The following CD200R1L variants were observed in gnomAD, a reference collection of about 807,000 sequenced individuals.
CD200R1L encodes the protein cell surface glycoprotein CD200 receptor 2.
In CD200R1L, 14 loss-of-function variants were observed where a neutral mutation model predicts 24.8. The ratio of observed to expected loss-of-function variants is 0.56; its 90% confidence interval spans 0.37 to 0.88. The LOEUF is 0.88. Among genes scored for constraint, CD200R1L ranks in the 40% least tolerant of loss-of-function variants. The pLI is 0.00. For missense variants in CD200R1L, 299 were observed against 297.8 expected (o/e 1.00, Z -0.03); for synonymous variants, 111 against 109.2 (o/e 1.02, Z -0.11).
Position 112,845,715 on chromosome 3 carries a change from G to A in CD200R1L, c.-123C>T, listed in dbSNP as rs752120624. On this transcript the variant is annotated 5_prime_UTR_variant, in exon 2 of 8. Coordinates refer to ENST00000488794, the MANE Select transcript of CD200R1L (RefSeq NM_001199215.3). ...ATAATGATGGAAATCAGTAATCTTG[G>A]AGCTGACATCTTCCCTAAAGTATGC... is the stretch of plus-strand genomic sequence containing the variant. 4.8e-5 allele frequency: 77 copies of A among 1,613,120 alleles called. No individual in the cohort carries two copies. The highest frequency in any genetic ancestry group is 6.1e-5 in the Non-Finnish European group (72 of 1,179,508).
intron 6 of CD200R1L, among the ~76,000 whole-genome samples, chr3:112,822,529 A>T (rs1461049763): frequency 6.6e-6 from 1 of 152,142 alleles, no homozygotes; most frequent in African/African-American, 2.4e-5. Context: ...CTGGGTTGGG[A>T]GATTTTCTGA....
chr3:112,844,853 G>A (rs1421761834), intron 2 of CD200R1L, among the ~76,000 whole-genome samples: 1 of 152,132 alleles, frequency 6.6e-6, no homozygotes, highest in Non-Finnish European at 1.5e-5. Context: ...GAACCCAGGA[G>A]GCAGAGGTTG....
chr3:112,829,224 C>T (rs2107340621), intron 4 of CD200R1L, 95 bp downstream of exon 4: 1 of 922,592 alleles, frequency 1.1e-6, no homozygotes, highest in Non-Finnish European at 1.8e-6. Context: ...CAAGTAGTCA[C>T]AAGGCTGGCC....
At chr3:112,823,783 T>A (rs999533642) in intron 6 of CD200R1L, among the ~76,000 whole-genome samples, 1 of 151,474 alleles carries the variant, frequency 6.6e-6, no homozygotes, top group Non-Finnish European at 1.5e-5. Flanking sequence ...AAGAAGAGAG[T>A]GCAGGGAAAG....
chr3:112,827,574 G>A lies in CD200R1L; in HGVS notation c.160C>T (p.Pro54Ser). ...ITWEIILRGQ[P>S]SCTKAYKKET... ...TTCTTGTAGGCTTTTGTGCAGGAAG[G>A]CTGGCCTCTCAGGATTATTTCCCAT... Residue 54 changes from proline to serine, a missense_variant, in exon 5 of 8, where the codon CCT becomes TCT. By Grantham distance (74) the Pro-to-Ser change is moderately conservative. Coordinates refer to ENST00000488794, the MANE Select transcript of CD200R1L (RefSeq NM_001199215.3). The A allele has an allele frequency of 3.1e-6, 5 of 1,614,052 alleles. No individual in the cohort carries two copies. Among genetic ancestry groups the A allele is most frequent in the Non-Finnish European group, 4.2e-6 (5 of 1,179,956 alleles).
At chr3:112,839,813 T>C (rs1028945859) in intron 2 of CD200R1L, among the ~76,000 whole-genome samples, 3 of 152,220 alleles carry the variant, frequency 2.0e-5, no homozygotes, top group African/African-American at 7.2e-5. Flanking sequence ...TTGAAGTGGT[T>C]AATCCCCTGC....
chr3:112,827,603 A>G lies in CD200R1L; in HGVS notation c.131T>C (p.Ile44Thr). The G allele has an allele frequency of 1.2e-6, 2 of 1,613,970 alleles. No individual in the cohort carries two copies. Among genetic ancestry groups the G allele is most frequent in the Non-Finnish European group, 1.7e-6 (2 of 1,179,896 alleles). Residue 44 changes from isoleucine (I) to threonine (T), a missense_variant, in exon 5 of 8, where the codon ATA (isoleucine) becomes ACA (threonine). Transcript: ENST00000488794. ...PPIALRNLII[I>T]TWEIILRGQP... ...GCCTCTCAGGATTATTTCCCATGTT[A>G]TTATGATCAAATTTCTTAATGCGAT...
rs539257152 is a variant in CD200R1L, at chr3:112,817,409, T to C, written c.741-1434A>G. Among the ~76,000 whole-genome samples the C allele has an allele frequency of 7.2e-5, 11 of 152,284 alleles. 1 individual carries two copies. In the South Asian group the frequency reaches 2.1e-3, roughly 29 times the overall value. On this transcript the variant is annotated intron_variant, in intron 7 of 7. Coordinates refer to ENST00000488794, the MANE Select transcript of CD200R1L (RefSeq NM_001199215.3). ...TTTCCAACCTCTGTGGATGTTAATA[T>C]AGCTATGCTACTAAGAACTAACCAA...
intron 2 of CD200R1L, among the ~76,000 whole-genome samples, chr3:112,842,299 G>A (rs1364372322): frequency 6.6e-6 from 1 of 152,222 alleles, no homozygotes; most frequent in African/African-American, 2.4e-5. Context: ...AACATAAACT[G>A]TGAAGATTTC....
intron 2 of CD200R1L, among the ~76,000 whole-genome samples, chr3:112,839,426 C>T (rs1234651670): frequency 6.6e-6 from 1 of 152,180 alleles, no homozygotes; most frequent in Non-Finnish European, 1.5e-5. Flanking sequence ...TTACATATAA[C>T]AAGATTGGCT....
chr3:112,818,610 T>C (rs1425484731), intron 7 of CD200R1L, among the ~76,000 whole-genome samples: 1 of 152,228 alleles, frequency 6.6e-6, no homozygotes, highest in Non-Finnish European at 1.5e-5. Context: ...ATTGCAGCAT[T>C]GATTAGCAAT....
At position 112,815,746 on chromosome 3, in the gene CD200R1L, AGAAGTCAAT is replaced by A; in HGVS notation, c.*208_*216del. 5.6e-6 allele frequency: 3 copies of A among 531,612 alleles called. No individual in the cohort carries two copies. Among genetic ancestry groups the A allele is most frequent in the Non-Finnish European group, 1.0e-5 (3 of 293,606 alleles). 32.9% of individuals were successfully genotyped at this position (531,612 alleles called of 1,614,324 possible). A position where few individuals can be genotyped will look rare whatever the true frequency, so the allele number is the denominator to read the frequency against. ...AAAATTTTATTCACTCTAACACAAA[AGAAGTCAAT>A]GAATAGGTGGTTGAGGGTTTATAGG... On this transcript the variant is annotated 3_prime_UTR_variant, in exon 8 of 8. Transcript: ENST00000488794.
chr3:112,819,998 A>C, intron 6 of CD200R1L, 103 bp from the exon 7 acceptor site: 1 of 1,046,348 alleles, frequency 9.6e-7, no homozygotes, highest in Non-Finnish European at 1.4e-6. Flanking sequence ...TTAAGAGTTC[A>C]TGGACTGTCA....
chr3:112,827,444 G>A lies in CD200R1L; in HGVS notation c.290C>T (p.Thr97Ile), dbSNP rs777534394. ...TATGCCTCTGTAATACCCGTCATGA[G>A]TGGTGTCCACCGGACGAATCTGAAG... ...SDLQIRPVDT[T>I]HDGYYRGIVV... The change falls in exon 5 of 8, where the codon ACT becomes ATT. Residue 97 changes from threonine (T) to isoleucine (I), a missense_variant. Physicochemically the swap from Thr to Ile is moderately conservative, Grantham distance 89. Transcript: ENST00000488794. 1.6e-5 allele frequency: 26 copies of A among 1,614,178 alleles called. No homozygotes were observed. The highest frequency in any genetic ancestry group is 2.1e-5 in the Non-Finnish European group (25 of 1,180,022).
chr3:112,830,880 GA>G (rs75974602), intron 3 of CD200R1L, among the ~76,000 whole-genome samples: 39,269 of 145,012 alleles, frequency 0.27, 5,856 homozygotes, highest in African/African-American at 0.41. Context: ...GGTTAAAAAG[GA>G]AAAAAAAAAA....
chr3:112,820,341 A>G (rs945379476), intron 6 of CD200R1L, among the ~76,000 whole-genome samples: 8 of 152,190 alleles, frequency 5.3e-5, no homozygotes, highest in Non-Finnish European at 1.0e-4. Flanking sequence ...AAGGTGTTTT[A>G]TATCTTCCTA....
intron 4 of CD200R1L, 53 bp from the exon 5 acceptor site, chr3:112,827,737 A>C: frequency 6.6e-7 from 1 of 1,510,180 alleles, no homozygotes; most frequent in South Asian, 1.3e-5. Flanking sequence ...AAGGAACTTC[A>C]TGTGTTATGT....
At chr3:112,832,247 C>G (rs1355352123) in intron 3 of CD200R1L, among the ~76,000 whole-genome samples, 1 of 152,178 alleles carries the variant, frequency 6.6e-6, no homozygotes, top group Non-Finnish European at 1.5e-5. Context: ...TAAGGGCCTC[C>G]TGTTAGAGTA....
chr3:112,829,599 A>G, intron 3 of CD200R1L: 1 of 905,370 alleles, frequency 1.1e-6, no homozygotes, highest in Non-Finnish European at 1.3e-6. Context: ...AGCAATTGAT[A>G]ATGATTTCTC....
Sources: allele counts gnomAD v4.1 joint callset (sites outside exome capture counted in the v4.1 genomes callset), GRCh38; gene constraint gnomAD v4.1.1; transcripts MANE v1.5; gene names NCBI Gene and HGNC (gene_info 2026-07-23, HGNC 2026-07-21).